The following RBFOX1 variants were observed in gnomAD, a reference collection of about 807,000 sequenced individuals.
RBFOX1 encodes the protein RNA binding protein fox-1 homolog 1.
Under a neutral mutation model 57.7 loss-of-function variants are expected in RBFOX1, and 8 were observed. The observed-to-expected ratio is 0.14, with a 90% CI of 0.08 to 0.25. The LOEUF is 0.25. RBFOX1 is among the 10% of genes least tolerant of loss of function. The pLI, the probability that RBFOX1 is intolerant of heterozygous loss-of-function variation, is 1.00. For missense variants in RBFOX1, 611 were observed against 548.5 expected, an observed-to-expected ratio of 1.11 and a Z score of -1.14; for synonymous variants, 326 against 222.4, an observed-to-expected ratio of 1.47 and a Z score of -4.15.
At chr16:5,727,830 G>C (rs565120176) in intron 3 of RBFOX1, among the ~76,000 whole-genome samples, 2 of 152,170 alleles carry the variant, frequency 1.3e-5, no homozygotes, top group South Asian at 4.1e-4. Context: ...TGGGACTACA[G>C]GTGTGCGCCA....
chr16:5,944,759 C>T (rs373381949), intron 4 of RBFOX1, among the ~76,000 whole-genome samples: 7 of 126,650 alleles, frequency 5.5e-5, no homozygotes, highest in Middle Eastern at 4.2e-3. Flanking sequence ...TAGAGACCAT[C>T]CTGGCCAACT....
intron 4 of RBFOX1, among the ~76,000 whole-genome samples, chr16:7,185,290 T>C (rs77454656): frequency 0.064 from 9,817 of 152,282 alleles, 431 homozygotes; most frequent in Non-Finnish European, 0.094. Context: ...TATTTTTTTT[T>C]CCCTAATGAT....
In RBFOX1 at chr16:6,816,397, G is replaced by T. The variant is rs1273511872; in HGVS notation, c.-16+161747G>T. ...ATGAAAGTCAATCTTCGGTTTTGTT[G>T]TTGCCAGACTGGCCCCTTCATGTAA... On this transcript the variant is annotated intron_variant, in intron 3 of 15. Coordinates refer to ENST00000550418, the MANE Select transcript of RBFOX1 (RefSeq NM_018723.4). Among the ~76,000 whole-genome samples, 3 of 150,346 alleles carry T rather than the reference G, an allele frequency of 2.0e-5. No homozygotes were observed. In the East Asian group the frequency reaches 5.8e-4, roughly 29 times the overall value.
intron 3 of RBFOX1, among the ~76,000 whole-genome samples, chr16:6,814,585 A>G (rs969429030): frequency 1.3e-5 from 2 of 152,150 alleles, no homozygotes; most frequent in African/African-American, 4.8e-5. Flanking sequence ...ATAGATGCGA[A>G]TCACAGAGAT....
chr16:6,878,400 G>T (rs11862011), intron 3 of RBFOX1, among the ~76,000 whole-genome samples: 23,182 of 152,170 alleles, frequency 0.15, 1,939 homozygotes, highest in South Asian at 0.28. Flanking sequence ...AAATATTTCA[G>T]ATGATGGATT....
At chr16:7,588,586 CTA>C (rs1184178623) in intron 7 of RBFOX1, among the ~76,000 whole-genome samples, 1 of 152,154 alleles carries the variant, frequency 6.6e-6, no homozygotes, top group Non-Finnish European at 1.5e-5. Flanking sequence ...CATCCTCAGA[CTA>C]TGAATGCAAA....
intron 1 of RBFOX1, among the ~76,000 whole-genome samples, chr16:6,104,159 A>ACT (rs71142679): frequency 1.3e-5 from 2 of 151,654 alleles, no homozygotes; most frequent in Admixed American, 1.3e-4. Flanking sequence ...ACACACACAC[A>ACT]ATATTATTTT....
intron 2 of RBFOX1, among the ~76,000 whole-genome samples, chr16:6,383,900 T>G (rs1266239394): frequency 1.3e-5 from 2 of 152,172 alleles, no homozygotes; most frequent in Non-Finnish European, 2.9e-5. Flanking sequence ...TTTGTTTTGT[T>G]TTTTGAAGCA....
At chr16:7,705,983 A>C (rs367624599) in intron 14 of RBFOX1, among the ~76,000 whole-genome samples, 32 of 152,286 alleles carry the variant, frequency 2.1e-4, no homozygotes, top group African/African-American at 7.5e-4. Context: ...GTCGTGTCCT[A>C]ACATGGCGAC....
At chr16:5,350,555 C>G (rs1049037089) in intron 1 of RBFOX1, among the ~76,000 whole-genome samples, 3 of 152,174 alleles carry the variant, frequency 2.0e-5, no homozygotes, top group African/African-American at 7.2e-5. Context: ...CTTCTAGAGC[C>G]TCAGTCCTCC....
intron 3 of RBFOX1, among the ~76,000 whole-genome samples, chr16:5,654,952 C>G (rs754403431): frequency 6.6e-6 from 1 of 152,156 alleles, no homozygotes; most frequent in Admixed American, 6.5e-5. Context: ...AGCTCCCCCC[C>G]AGCAAGTAGA....
intron 3 of RBFOX1, among the ~76,000 whole-genome samples, chr16:5,717,130 G>T (rs1483577665): frequency 6.6e-6 from 1 of 152,120 alleles, no homozygotes; most frequent in Non-Finnish European, 1.5e-5. Context: ...GGTAGAAAGA[G>T]CTTAATTTTC....
At chr16:7,335,632 G>C (rs9921931) in intron 4 of RBFOX1, among the ~76,000 whole-genome samples, 14,094 of 150,148 alleles carry the variant, frequency 0.094, 765 homozygotes, top group Middle Eastern at 0.11. Context: ...CCAGTCATTT[G>C]GTGTGCCAGA....
intron 1 of RBFOX1, among the ~76,000 whole-genome samples, chr16:5,429,174 C>A (rs1001129413): frequency 1.3e-5 from 2 of 152,184 alleles, no homozygotes; most frequent in African/African-American, 4.8e-5. Flanking sequence ...AAGTCCCTTC[C>A]AGCCAGAGCC....
intron 3 of RBFOX1, among the ~76,000 whole-genome samples, chr16:6,725,515 G>T (rs1443582706): frequency 1.3e-5 from 2 of 152,024 alleles, no homozygotes; most frequent in Admixed American, 6.6e-5. Flanking sequence ...TTTGGGAATT[G>T]CCCACCCCTT....
intron 3 of RBFOX1, among the ~76,000 whole-genome samples, chr16:6,919,501 C>T (rs984286856): frequency 5.9e-5 from 9 of 151,884 alleles, no homozygotes; most frequent in East Asian, 1.9e-4. Context: ...AAAGAGTAGA[C>T]CTGGGATTTG....
rs2097543686 is a variant in RBFOX1 at position 6,242,268 on chromosome 16, T to C, written c.-126-74727T>C. On this transcript the variant is annotated intron_variant, in intron 1 of 15. Coordinates refer to ENST00000550418, the MANE Select transcript of RBFOX1 (RefSeq NM_018723.4). ...TATGTTGTTTATTCAAACAGGATCA[T>C]ATCCAAGCTCACTGCCTTTGCTACT... Among the ~76,000 whole-genome samples, 3 of 152,318 alleles carry C rather than the reference T, an allele frequency of 2.0e-5. No homozygotes were observed. The South Asian group carries it at 6.2e-4, about 32-fold the overall frequency.
At chr16:5,556,317 A>T (rs2045674447) in intron 2 of RBFOX1, among the ~76,000 whole-genome samples, 1 of 152,124 alleles carries the variant, frequency 6.6e-6, no homozygotes, top group Non-Finnish European at 1.5e-5. Context: ...GGTATTCGTG[A>T]TTGGCTCTGG....
chr16:6,445,868 A>C (rs1471049887), intron 2 of RBFOX1, among the ~76,000 whole-genome samples: 1 of 152,144 alleles, frequency 6.6e-6, no homozygotes, highest in Admixed American at 6.5e-5. Context: ...GGCGTGAGCC[A>C]CTGCGCCCGG....
Sources: gnomAD v4.1 joint callset for allele counts (sites outside exome capture counted in the v4.1 genomes callset) on GRCh38, gnomAD v4.1.1 for gene constraint, MANE v1.5 for transcripts, NCBI Gene and HGNC (gene_info 2026-07-23, HGNC 2026-07-21) for gene names.